The following LYPLA1 variants were observed in gnomAD, a reference collection of about 807,000 sequenced individuals.
LYPLA1 encodes lysophospholipase 1.
In LYPLA1, 17 loss-of-function variants were observed where a neutral mutation model predicts 34.0. The ratio of observed to expected loss-of-function variants is 0.50; its 90% CI spans 0.34 to 0.75. The LOEUF (loss-of-function observed/expected upper bound fraction) is 0.75. Among genes scored for constraint, LYPLA1 ranks in the 30% least tolerant of loss-of-function variants. The pLI is 0.01. For missense variants in LYPLA1, 203 were observed against 288.8 expected (o/e 0.70, Z 2.15); for synonymous variants, 98 against 100.8 (o/e 0.97, Z 0.17).
At chr8:54,099,744 T>C (rs1354217206) in intron 2 of LYPLA1, among the ~76,000 whole-genome samples, 1 of 151,906 alleles carries the variant, frequency 6.6e-6, no homozygotes, top group African/African-American at 2.4e-5. Flanking sequence ...AGTGCAGTCG[T>C]GCAATCTTGG....
chr8:54,088,437 T>C (rs575753614), intron 2 of LYPLA1, among the ~76,000 whole-genome samples: 1 of 152,256 alleles, frequency 6.6e-6, no homozygotes, highest in East Asian at 1.9e-4. Flanking sequence ...ATGGCTATAA[T>C]CAAAAAGACA....
intron 2 of LYPLA1, among the ~76,000 whole-genome samples, chr8:54,075,441 T>C (rs1332052933): frequency 6.6e-6 from 1 of 152,226 alleles, no homozygotes; most frequent in African/African-American, 2.4e-5. Context: ...GCCCCCTGAT[T>C]GCAGCCATGT....
chr8:54,069,972 G>A (rs902581782), intron 2 of LYPLA1, among the ~76,000 whole-genome samples: 8 of 152,168 alleles, frequency 5.3e-5, no homozygotes, highest in African/African-American at 9.7e-5. Flanking sequence ...AATGGTTATC[G>A]TAAAAATGAC....
chr8:54,101,578 C>T (rs1318420346), intron 1 of LYPLA1, 177 bp downstream of exon 1: 6 of 1,151,314 alleles, frequency 5.2e-6, no homozygotes, highest in Non-Finnish European at 1.1e-6. Context: ...CTGTGACCCC[C>T]CGGCTGCCCC....
intron 2 of LYPLA1, among the ~76,000 whole-genome samples, chr8:54,085,106 T>C (rs1808614655): frequency 6.6e-6 from 1 of 152,222 alleles, no homozygotes; most frequent in Non-Finnish European, 1.5e-5. Flanking sequence ...CCCTGCCTGA[T>C]TCTCCTGCCT....
chr8:54,075,726 C>A (rs1048595129), intron 2 of LYPLA1, among the ~76,000 whole-genome samples: 1 of 152,102 alleles, frequency 6.6e-6, no homozygotes, highest in East Asian at 1.9e-4. Context: ...TGTAATCACT[C>A]TGACACAGTT....
intron 7 of LYPLA1, 70 bp from the exon 8 acceptor site, chr8:54,051,258 A>G: frequency 2.3e-6 from 3 of 1,323,582 alleles, no homozygotes; most frequent in African/African-American, 1.5e-5. Context: ...GGCATTTAAA[A>G]TTGTACATAA....
intron 2 of LYPLA1, among the ~76,000 whole-genome samples, chr8:54,092,821 AAAAACAAAAC>A (rs752243466): frequency 3.5e-4 from 54 of 152,160 alleles, no homozygotes; most frequent in African/African-American, 1.3e-3. Flanking sequence ...GTCTCTACTT[AAAAACAAAAC>A]AAAACAAAAC....
intron 2 of LYPLA1, among the ~76,000 whole-genome samples, chr8:54,080,645 T>C (rs1281277069): frequency 1.3e-5 from 2 of 152,184 alleles, no homozygotes; most frequent in Admixed American, 6.5e-5. Context: ...TGGAGTGCAG[T>C]GGGGTGATCT....
intron 2 of LYPLA1, among the ~76,000 whole-genome samples, chr8:54,068,063 G>T (rs1020421562): frequency 3.9e-5 from 6 of 152,158 alleles, no homozygotes; most frequent in Non-Finnish European, 8.8e-5. Flanking sequence ...CATATAAAAA[G>T]ATTAGTAACA....
chr8:54,073,781 CT>C (rs1236399895), intron 2 of LYPLA1, among the ~76,000 whole-genome samples: 1 of 151,976 alleles, frequency 6.6e-6, no homozygotes, highest in Non-Finnish European at 1.5e-5. Flanking sequence ...AAAACTACTT[CT>C]TTTTTCAAAA....
At chr8:54,098,015 GA>G (rs1417929058) in intron 2 of LYPLA1, among the ~76,000 whole-genome samples, 1 of 152,112 alleles carries the variant, frequency 6.6e-6, no homozygotes, top group Non-Finnish European at 1.5e-5. Context: ...TTGAGGTCAA[GA>G]GTTCCAGACT....
Position 54,052,652 on chromosome 8 carries a change from T to G in LYPLA1, c.462+3A>C. 1 of 1,606,486 alleles carries G rather than the reference T, an allele frequency of 6.2e-7. No homozygotes were observed. The highest frequency in any genetic ancestry group is 8.5e-7 in the Non-Finnish European group (1 of 1,173,738). ...CTCATGTTGAGTGCATCAACCAAGT[T>G]ACCTGTGGAAAGGAAGCCCGAAGTG... On this transcript the variant is annotated splice_donor_region_variant and intron_variant, in intron 7 of 8. Transcript: ENST00000316963.
Position 54,046,886 on chromosome 8 carries a change from T to C in LYPLA1, c.*1179A>G, listed in dbSNP as rs531599325. On this transcript the variant is annotated 3_prime_UTR_variant, in exon 9 of 9. Transcript: ENST00000316963. ...TTAAAATGATTGCTATTTTTATGTC[T>C]GCATCAAAAACTAATACAAAAAATA... 1.1e-4 allele frequency: 16 copies of C among 152,264 alleles called. No individual in the cohort carries two copies. The highest frequency in any genetic ancestry group is 3.4e-4 in the African/African-American group (14 of 41,570). The allele number at this position is 152,264 out of a possible 1,614,324, so 9.4% of individuals were successfully genotyped here.
chr8:54,052,494 A>G (rs1011260387), intron 7 of LYPLA1, among the ~76,000 whole-genome samples, 161 bp downstream of exon 7: 1 of 152,118 alleles, frequency 6.6e-6, no homozygotes, highest in Non-Finnish European at 1.5e-5. Context: ...CAGGAGGTAG[A>G]TAGTAACTCT....
chr8:54,070,043 A>G (rs905092135), intron 2 of LYPLA1, among the ~76,000 whole-genome samples: 3 of 152,284 alleles, frequency 2.0e-5, no homozygotes, highest in African/African-American at 7.2e-5. Flanking sequence ...CACTGTTGGT[A>G]GAAATGTAAA....
chr8:54,101,740 G>T lies in LYPLA1; in HGVS notation c.69+15C>A. 7.7e-7 allele frequency: 1 copy of T among 1,300,088 alleles called. No homozygotes were observed. The allele number at this position is 1,300,088 out of a possible 1,614,324, so 80.5% of individuals were successfully genotyped here. On this transcript the variant is annotated intron_variant, in intron 1 of 8. Coordinates refer to ENST00000316963, the MANE Select transcript of LYPLA1 (RefSeq NM_006330.4). ...GCCCAGTGGACCCCTCCGAGCCCAC[G>T]CCTACGCCACTCACCGCAGCGGTGG... is the stretch of plus-strand genomic sequence containing the variant.
chr8:54,090,657 C>T lies in LYPLA1; in HGVS notation c.101+10251G>A, dbSNP rs577612890. 3.3e-5 allele frequency among the ~76,000 whole-genome samples: 5 copies of T among 152,274 alleles called. No individual in the cohort carries two copies. The South Asian group carries it at 1.0e-3, about 32-fold the overall frequency. ...ACCGCGGGACCAGAAGACAGTGACCCCCCTGGACCCAGCTTTCACTATCTT... is the reference window on the plus strand; with the variant it reads ...ACCGCGGGACCAGAAGACAGTGACCTCCCTGGACCCAGCTTTCACTATCTT... On this transcript the variant is annotated intron_variant, in intron 2 of 8. Coordinates refer to ENST00000316963, the MANE Select transcript of LYPLA1 (RefSeq NM_006330.4).
intron 8 of LYPLA1, among the ~76,000 whole-genome samples, chr8:54,048,885 T>C (rs1805652430): frequency 6.6e-6 from 1 of 152,190 alleles, no homozygotes; most frequent in South Asian, 2.1e-4. Flanking sequence ...ACTATCCTAC[T>C]TCTCCTCATT....
Sources: gnomAD v4.1 joint callset for allele counts (sites outside exome capture counted in the v4.1 genomes callset) on GRCh38, gnomAD v4.1.1 for gene constraint, MANE v1.5 for transcripts, NCBI Gene and HGNC (gene_info 2026-07-23, HGNC 2026-07-21) for gene names.